The following SLC35D2 variants were observed in gnomAD, a reference collection of about 807,000 sequenced individuals.
SLC35D2 encodes solute carrier family 35 member D2, also known as nucleotide sugar transporter SLC35D2.
In SLC35D2, 43 loss-of-function variants were observed where a neutral mutation model predicts 41.8. That is an observed-to-expected ratio of 1.03 (90% CI 0.81 to 1.33). The LOEUF is 1.33. SLC35D2 is among the 40% of genes most tolerant of loss of function. The probability of loss-of-function intolerance (pLI) is 0.00; values close to 1 mark genes in which losing one functional copy is unlikely to be tolerated. For synonymous variants in SLC35D2, 150 were observed against 163.9 expected (o/e 0.92, Z 0.65); for missense variants, 380 against 408.4 (o/e 0.93, Z 0.60).
chr9:96,372,670 C>T lies in SLC35D2; in HGVS notation c.159-4365G>A, dbSNP rs112859278. Among the ~76,000 whole-genome samples, 381 of 141,012 alleles carry T rather than the reference C, an allele frequency of 2.7e-3. 1 individual carries two copies. Among genetic ancestry groups the T allele is most frequent in the African/African-American group, 9.2e-3 (359 of 38,854 alleles). 92.5% of individuals were successfully genotyped at this position (141,012 alleles called of 152,430 possible). A position where few individuals can be genotyped will look rare whatever the true frequency, so the allele number is the denominator to read the frequency against. ...CATGATCTCAGCTCACTGCAACCTT[C>T]GCCTCCCAGGGTCAAGCGATTCTCC... is the stretch of plus-strand genomic sequence containing the variant. On this transcript the variant is annotated intron_variant, in intron 1 of 11. Coordinates refer to ENST00000253270, the MANE Select transcript of SLC35D2 (RefSeq NM_007001.3).
intron 1 of SLC35D2, among the ~76,000 whole-genome samples, chr9:96,374,860 T>A (rs796221685): frequency 3.3e-5 from 5 of 150,688 alleles, no homozygotes; most frequent in African/African-American, 1.2e-4. Context: ...AAAAAAAAAA[T>A]TCATTTATGT....
At chr9:96,333,927 A>C (rs1828931249) in intron 9 of SLC35D2, among the ~76,000 whole-genome samples, 1 of 152,130 alleles carries the variant, frequency 6.6e-6, no homozygotes, top group South Asian at 2.1e-4. Flanking sequence ...CTAAGGGTTG[A>C]CTTCTTATTT....
At chr9:96,341,426 G>A (rs1829320792) in intron 8 of SLC35D2, among the ~76,000 whole-genome samples, 1 of 152,196 alleles carries the variant, frequency 6.6e-6, no homozygotes, top group African/African-American at 2.4e-5. Flanking sequence ...AGATGACAGT[G>A]GAGGATGTGT....
At chr9:96,336,200 A>C (rs932347179) in intron 9 of SLC35D2, among the ~76,000 whole-genome samples, 1 of 152,178 alleles carries the variant, frequency 6.6e-6, no homozygotes, top group Non-Finnish European at 1.5e-5. Flanking sequence ...TCACATAATT[A>C]TTTGAGGAAG....
chr9:96,318,692 T>A (rs780231146), downstream of SLC35D2, among the ~76,000 whole-genome samples: 1 of 152,054 alleles, frequency 6.6e-6, no homozygotes, highest in Non-Finnish European at 1.5e-5. Context: ...GCCAGGCAGG[T>A]GAGCCTGTAG....
At chr9:96,349,108 G>A (rs945317548) in intron 6 of SLC35D2, among the ~76,000 whole-genome samples, 12 of 152,144 alleles carry the variant, frequency 7.9e-5, no homozygotes, top group African/African-American at 2.7e-4. Flanking sequence ...AGCCTTTGAA[G>A]GGCAGCAGAT....
At chr9:96,370,709 G>C (rs994070230) in intron 1 of SLC35D2, among the ~76,000 whole-genome samples, 14 of 151,656 alleles carry the variant, frequency 9.2e-5, no homozygotes, top group Non-Finnish European at 2.1e-4. Context: ...CAACAAAAAG[G>C]CTCACAGAAG....
At chr9:96,368,790 A>G (rs1159249297) in intron 1 of SLC35D2, among the ~76,000 whole-genome samples, 1 of 151,176 alleles carries the variant, frequency 6.6e-6, no homozygotes, top group Non-Finnish European at 1.5e-5. Flanking sequence ...ATTGAGATGG[A>G]GTCTCACTCT....
downstream of SLC35D2, among the ~76,000 whole-genome samples, chr9:96,320,319 G>C (rs537892676): frequency 1.3e-5 from 2 of 152,292 alleles, no homozygotes; most frequent in East Asian, 1.9e-4. Flanking sequence ...TTCAAGACTA[G>C]CCTGGCCAAC....
intron 2 of SLC35D2, among the ~76,000 whole-genome samples, chr9:96,366,515 T>TG (rs1830479470): frequency 1.5e-5 from 2 of 137,014 alleles, no homozygotes; most frequent in Non-Finnish European, 3.1e-5. Context: ...ACCTTATCAC[T>TG]GATTTTTTTT....
At chr9:96,348,349 A>C (rs142565487) in intron 6 of SLC35D2, among the ~76,000 whole-genome samples, 10 of 152,290 alleles carry the variant, frequency 6.6e-5, no homozygotes, top group African/African-American at 2.4e-4. Context: ...CTTGTTTGGC[A>C]AAGGAAGTGC....
chr9:96,333,845 T>C lies in SLC35D2; in HGVS notation c.752+2872A>G, dbSNP rs540762628. 1.6e-4 allele frequency among the ~76,000 whole-genome samples: 25 copies of C among 152,284 alleles called. 1 individual carries two copies. Among genetic ancestry groups the C allele is most frequent in the Middle Eastern group, 3.4e-3 (1 of 294 alleles). ...AGTTTACAATGACATGAGAAGACTT[T>C]GAAACTTTGCTCTCCTGTTCACAGA... On this transcript the variant is annotated intron_variant, in intron 9 of 11. Transcript: ENST00000253270.
At chr9:96,378,295 C>T (rs1309457510) in intron 1 of SLC35D2, among the ~76,000 whole-genome samples, 1 of 151,050 alleles carries the variant, frequency 6.6e-6, no homozygotes, top group Non-Finnish European at 1.5e-5. Flanking sequence ...CAGCTGGGCA[C>T]GATGGTGTGC....
chr9:96,327,404 T>A (rs1381503451), intron 9 of SLC35D2, among the ~76,000 whole-genome samples: 1 of 152,004 alleles, frequency 6.6e-6, no homozygotes, highest in Non-Finnish European at 1.5e-5. Flanking sequence ...TGAAACCACC[T>A]CAGCCTGCAT....
chr9:96,354,069 C>T (rs376502527), intron 4 of SLC35D2, among the ~76,000 whole-genome samples: 1 of 152,184 alleles, frequency 6.6e-6, no homozygotes, highest in African/African-American at 2.4e-5. Context: ...CTACATTTTT[C>T]AAAGCTGCAA....
chr9:96,382,532 C>T (rs1831247446), intron 1 of SLC35D2, among the ~76,000 whole-genome samples: 1 of 148,574 alleles, frequency 6.7e-6, no homozygotes, highest in South Asian at 2.1e-4. Context: ...GCCTTGGCCT[C>T]CCAAATGCTG....
intron 1 of SLC35D2, among the ~76,000 whole-genome samples, chr9:96,383,041 G>A (rs527351191): frequency 2.2e-4 from 34 of 152,258 alleles, no homozygotes; most frequent in African/African-American, 7.7e-4. Flanking sequence ...TTGTTTTCCC[G>A]AGTTTTCCAT....
intron 9 of SLC35D2, among the ~76,000 whole-genome samples, chr9:96,332,755 G>A (rs1169454351): frequency 2.0e-5 from 3 of 151,724 alleles, no homozygotes; most frequent in African/African-American, 7.3e-5. Context: ...CTCCAGACTG[G>A]GTGACACAGC....
At chr9:96,383,071 G>A (rs1373421312) in intron 1 of SLC35D2, among the ~76,000 whole-genome samples, 1 of 152,182 alleles carries the variant, frequency 6.6e-6, no homozygotes, top group African/African-American at 2.4e-5. Flanking sequence ...GGTCATCTGA[G>A]AATGAACAGT....
Sources: gnomAD v4.1 joint callset for allele counts (sites outside exome capture counted in the v4.1 genomes callset) on GRCh38, gnomAD v4.1.1 for gene constraint, MANE v1.5 for transcripts, NCBI Gene and HGNC (gene_info 2026-07-23, HGNC 2026-07-21) for gene names.